Variants in CPLX2 observed in about 807,000 individuals in gnomAD.
CPLX2 encodes the protein complexin 2, also known as complexin-2.
Under a neutral mutation model 16.3 loss-of-function variants are expected in CPLX2, and 5 were observed. That is an observed-to-expected ratio of 0.31 (90% CI 0.16 to 0.64). CPLX2 has a LOEUF of 0.64. CPLX2 is among the 30% of genes least tolerant of loss of function. The pLI is 0.79. For missense variants in CPLX2, 144 were observed against 181.4 expected (o/e 0.79, Z 1.18); for synonymous variants, 89 against 73.2 (o/e 1.22, Z -1.10).
At chr5:175,875,304 T>C (rs1433855130) in intron 1 of CPLX2, among the ~76,000 whole-genome samples, 2 of 150,014 alleles carry the variant, frequency 1.3e-5, no homozygotes, top group African/African-American at 4.9e-5. Context: ...GAAGAGGGAG[T>C]GGTGAGGTAC....
intron 2 of CPLX2, among the ~76,000 whole-genome samples, chr5:175,850,138 G>A (rs933821854): frequency 7.2e-6 from 1 of 138,964 alleles, no homozygotes; most frequent in Non-Finnish European, 1.6e-5. Flanking sequence ...GAGTTTGCAA[G>A]TGACAGTTTT....
chr5:175,860,906 C>T (rs528829679), intron 2 of CPLX2, among the ~76,000 whole-genome samples: 4 of 151,820 alleles, frequency 2.6e-5, no homozygotes, highest in African/African-American at 9.7e-5. Context: ...CAGCAAATTA[C>T]ACCAGAAACA....
intron 2 of CPLX2, among the ~76,000 whole-genome samples, chr5:175,843,955 C>G (rs1432987723): frequency 1.3e-5 from 2 of 152,256 alleles, no homozygotes; most frequent in Non-Finnish European, 2.9e-5. Context: ...ACAGTGTTCT[C>G]TGATTCACTG....
chr5:175,829,382 C>T (rs949423293), intron 2 of CPLX2, among the ~76,000 whole-genome samples: 5 of 152,116 alleles, frequency 3.3e-5, no homozygotes, highest in East Asian at 1.9e-4. Context: ...AAGCTCACCT[C>T]GGGAAGAAGG....
intron 2 of CPLX2, among the ~76,000 whole-genome samples, chr5:175,836,274 C>T (rs932555016): frequency 5.3e-5 from 8 of 152,196 alleles, no homozygotes; most frequent in South Asian, 2.1e-4. Flanking sequence ...GGCATGAACC[C>T]GGGAGGCGGA....
intron 1 of CPLX2, among the ~76,000 whole-genome samples, chr5:175,798,509 G>A (rs943842517): frequency 6.6e-6 from 1 of 152,156 alleles, no homozygotes; most frequent in Non-Finnish European, 1.5e-5. Context: ...GTCACGAACT[G>A]TAAGGAAAGA....
At chr5:175,829,956 C>A (rs1230623615) in intron 2 of CPLX2, among the ~76,000 whole-genome samples, 4 of 152,230 alleles carry the variant, frequency 2.6e-5, no homozygotes, top group African/African-American at 9.6e-5. Flanking sequence ...CTCCCAGGGC[C>A]TCACTGAAGC....
At chr5:175,879,815 C>T in intron 3 of CPLX2, 33 bp from the exon 4 acceptor site, 1 of 1,579,626 alleles carries the variant, frequency 6.3e-7, no homozygotes, top group Non-Finnish European at 8.6e-7. Flanking sequence ...GCCCACCCCG[C>T]TTCATGCGCG....
At chr5:175,834,362 T>C (rs1474805970) in intron 2 of CPLX2, among the ~76,000 whole-genome samples, 1 of 152,190 alleles carries the variant, frequency 6.6e-6, no homozygotes, top group Non-Finnish European at 1.5e-5. Flanking sequence ...AGCAAGTGTT[T>C]ATCCAGGGCC....
chr5:175,828,204 A>C (rs1374941985), intron 2 of CPLX2, among the ~76,000 whole-genome samples: 2 of 152,184 alleles, frequency 1.3e-5, no homozygotes, highest in Non-Finnish European at 2.9e-5. Context: ...AGCCTCTGGG[A>C]GTTTCACGAT....
chr5:175,827,026 C>T (rs990230322), intron 2 of CPLX2, among the ~76,000 whole-genome samples: 1 of 152,190 alleles, frequency 6.6e-6, no homozygotes, highest in African/African-American at 2.4e-5. Context: ...GGCCAGCTCT[C>T]GTCACAGGGT....
chr5:175,800,854 C>G (rs1056370938), intron 1 of CPLX2, among the ~76,000 whole-genome samples: 5 of 151,058 alleles, frequency 3.3e-5, no homozygotes, highest in Admixed American at 6.6e-5. Flanking sequence ...TGAAAATAGA[C>G]AGACAGAGAA....
At chr5:175,853,245 T>C (rs1300980315) in intron 2 of CPLX2, among the ~76,000 whole-genome samples, 5 of 152,222 alleles carry the variant, frequency 3.3e-5, no homozygotes. Flanking sequence ...TTTGGAGACG[T>C]GGCAAATACC....
At chr5:175,825,024 G>A (rs1363830931) in intron 2 of CPLX2, among the ~76,000 whole-genome samples, 2 of 152,152 alleles carry the variant, frequency 1.3e-5, no homozygotes, top group East Asian at 1.9e-4. Flanking sequence ...AGCATCTGAT[G>A]GCTTGAGTGA....
chr5:175,808,217 C>T (rs982912336), intron 1 of CPLX2, among the ~76,000 whole-genome samples: 6 of 152,156 alleles, frequency 3.9e-5, no homozygotes, highest in East Asian at 1.9e-4. Flanking sequence ...TCCCCCTCTC[C>T]GCATCAGTAT....
chr5:175,805,316 G>C (rs1758176957), intron 1 of CPLX2: 2 of 152,178 alleles, frequency 1.3e-5, no homozygotes, highest in Non-Finnish European at 2.9e-5. Context: ...TGTCCACTAG[G>C]ATTTAAATCC....
chr5:175,869,718 C>T (rs1759548022), upstream of CPLX2, among the ~76,000 whole-genome samples: 1 of 152,194 alleles, frequency 6.6e-6, no homozygotes, highest in Non-Finnish European at 1.5e-5. Flanking sequence ...AACCTGCCCT[C>T]ATTTGACCTG....
chr5:175,859,487 A>T lies in CPLX2; in HGVS notation c.-88-19165A>T, dbSNP rs551448563. On this transcript the variant is annotated intron_variant, in intron 2 of 4. Coordinates refer to the CPLX2 transcript ENST00000359546. ...TCCCTGCTCCCAAATGGTCTCTTGGAAGTAAGGGCACCAAAGGCACTGCTC... is the reference window on the plus strand; with the variant it reads ...TCCCTGCTCCCAAATGGTCTCTTGGTAGTAAGGGCACCAAAGGCACTGCTC... Among the ~76,000 whole-genome samples, 13 of 152,330 alleles carry T rather than the reference A, an allele frequency of 8.5e-5. No individual in the cohort carries two copies. In the South Asian group the frequency reaches 1.7e-3, roughly 19 times the overall value.
intron 2 of CPLX2, among the ~76,000 whole-genome samples, chr5:175,838,343 C>T (rs570060438): frequency 9.4e-5 from 14 of 149,520 alleles, no homozygotes; most frequent in African/African-American, 3.0e-4. Flanking sequence ...TCTCGGCTCA[C>T]TGCAAGCTCC....
Sources: allele counts gnomAD v4.1 joint callset (sites outside exome capture counted in the v4.1 genomes callset), GRCh38; gene constraint gnomAD v4.1.1; transcripts MANE v1.5; gene names NCBI Gene and HGNC (gene_info 2026-07-23, HGNC 2026-07-21).